POLRMT: variants seen among roughly 807,000 people sequenced by gnomAD.
The protein encoded by POLRMT is RNA polymerase mitochondrial.
POLRMT carries 114 observed loss-of-function variants against 132.2 expected under a neutral mutation model. That is an observed-to-expected ratio of 0.86 (90% confidence interval 0.74 to 1.01). The LOEUF (loss-of-function observed/expected upper bound fraction) is 1.01. POLRMT is among the 50% of genes least tolerant of loss of function. The pLI is 0.00. For missense variants in POLRMT, 2,003 were observed against 1,729.1 expected (o/e 1.16, Z -2.81); for synonymous variants, 1,020 against 773.4 (o/e 1.32, Z -5.29).
chr19:624,670 A>C (rs1040542140), intron 5 of POLRMT, 49 bp downstream of exon 5: 3 of 1,572,714 alleles, frequency 1.9e-6, no homozygotes, highest in African/African-American at 1.3e-5. Flanking sequence ...AGGAACCCCC[A>C]AAGGGCAGCT....
rs759119690 is a variant in POLRMT at position 621,105 on chromosome 19, C to A, written c.2593G>T (p.Glu865Ter). The A allele has an allele frequency of 1.2e-6, 2 of 1,608,984 alleles. No homozygotes were observed. Among genetic ancestry groups the A allele is most frequent in the Non-Finnish European group, 1.7e-6 (2 of 1,178,304 alleles). The change falls in exon 10 of 21, where the codon GAG becomes TAG. Residue 865 changes from glutamate (E) to a stop codon, truncating the protein, a stop_gained. Coordinates refer to ENST00000588649, the MANE Select transcript of POLRMT (RefSeq NM_005035.4). LOFTEE classifies it high-confidence loss of function. ...TCCAGGATGTCATCCATCACCTCCT[C>A]CGCAAAGGCCAGGCGCTTCCGCAGC... Reference protein sequence around the residue: ...EPLRKRLAFAEEVMDDILDSA... With the variant: ...EPLRKRLAFA
Position 621,613 on chromosome 19 carries a change from T to C in POLRMT, c.2085A>G (p.Ala695=), listed in dbSNP as rs1040073143. 18 of 1,514,038 alleles carry C rather than the reference T, an allele frequency of 1.2e-5. No homozygotes were observed. The African/African-American group carries it at 2.1e-4, about 17-fold the overall frequency. 93.8% of individuals were successfully genotyped at this position (1,514,038 alleles called of 1,614,324 possible). ...TGCCCAGTTGGGTGAGGGCGTCCAG[T>C]GCGCCATGCAGCGCGGTGGGCGGGC... ...ETCPPTALHG[A]LDALTQLGNC... is the part of the protein sequence containing the mutation. Residue 695 remains alanine, a synonymous_variant, in exon 10 of 21, where the codon GCA becomes GCG. Transcript: ENST00000588649.
At chr19:628,199 GC>G (rs1280525500) in intron 3 of POLRMT, among the ~76,000 whole-genome samples, 2 of 152,180 alleles carry the variant, frequency 1.3e-5, no homozygotes, top group African/African-American at 4.8e-5. Context: ...CTGGGCTCGT[GC>G]TAAGAGTGCG....
chr19:625,294 C>A, intron 3 of POLRMT, 40 bp from the exon 4 acceptor site: 1 of 1,610,196 alleles, frequency 6.2e-7, no homozygotes. Context: ...GGGGGATGGC[C>A]CAACCTCCAC....
At position 629,748 on chromosome 19, in the gene POLRMT, T is replaced by A. The variant is rs755386292; in HGVS notation, c.614A>T (p.Asp205Val). 1.3e-6 allele frequency: 2 copies of A among 1,571,846 alleles called. No homozygotes were observed. Among genetic ancestry groups the A allele is most frequent in the South Asian group, 2.3e-5 (2 of 85,962 alleles). ...CTGCCCCGACGGGGCCTGCTCCACA[T>A]CGAGGCTCAGCTTCCCAGGGGCCTC... ...LQEAPGKLSL[D>V]VEQAPSGQHS... The change falls in exon 3 of 21, where the codon GAT becomes GTT. Residue 205 changes from aspartate to valine, a missense_variant. By Grantham distance (152) the Asp-to-Val change is radical. Coordinates refer to ENST00000588649, the MANE Select transcript of POLRMT (RefSeq NM_005035.4).
At chr19:620,115 A>G (rs1984396889) in intron 11 of POLRMT, 35 bp from the exon 12 acceptor site, 1 of 1,533,476 alleles carries the variant, frequency 6.5e-7, no homozygotes, top group African/African-American at 1.4e-5. Context: ...GATGGAAGCT[A>G]GAGAGGCAGA....
rs1308114967 is a variant in POLRMT at position 622,260 on chromosome 19, C to T, written c.1740G>A (p.Ala580=). The stretch of plus-strand genomic sequence containing the variant: ...TCTGCGTAGCCTGCACCAGCATCTC[C>T]GCCAGCAGCTTGCCCAGCTCCATCT... The part of the protein sequence containing the change: ...PVQMELGKLL[A]EMLVQATQMP... Residue 580 remains alanine (A), a synonymous_variant, in exon 9 of 21, where the codon GCG becomes GCA. Transcript: ENST00000588649. The T allele has an allele frequency of 9.6e-6, 15 of 1,561,640 alleles. No homozygotes were observed. Among genetic ancestry groups the T allele is most frequent in the South Asian group, 3.5e-5 (3 of 85,298 alleles).
intron 11 of POLRMT, 60 bp downstream of exon 11, chr19:620,305 G>A (rs1568165221): frequency 2.0e-6 from 3 of 1,489,012 alleles, no homozygotes; most frequent in African/African-American, 2.8e-5. Context: ...ACACCCTCAA[G>A]TCGAGCCCCA....
intron 2 of POLRMT, among the ~76,000 whole-genome samples, chr19:632,450 G>A (rs1178998936): frequency 2.0e-5 from 3 of 151,318 alleles, no homozygotes; most frequent in Admixed American, 1.3e-4. Flanking sequence ...TCCATTAGGC[G>A]CCTACCCCCC....
In POLRMT at chr19:621,372, G is replaced by A. The variant is rs890744600; in HGVS notation, c.2326C>T (p.Arg776Trp). The A allele has an allele frequency of 2.0e-5, 31 of 1,555,084 alleles. No individual in the cohort carries two copies. The highest frequency in any genetic ancestry group is 2.4e-5 in the Non-Finnish European group (28 of 1,158,744). ...QKVAREMHSL[R>W]AEALYRLSLA... ...GAGAGGCGGTACAGCGCCTCCGCCC[G>A]CAGGCTGTGCATCTCCCGGGCCACC... Residue 776 changes from arginine (R) to tryptophan (W), a missense_variant, in exon 10 of 21, where the codon CGG (arginine) becomes TGG (tryptophan). Coordinates refer to ENST00000588649, the MANE Select transcript of POLRMT (RefSeq NM_005035.4).
rs754376875 is a variant in POLRMT at position 621,854 on chromosome 19, G to A, written c.1852-8C>T. 8.7e-5 allele frequency: 140 copies of A among 1,601,026 alleles called. 1 individual carries two copies. The highest frequency in any genetic ancestry group is 1.1e-4 in the Non-Finnish European group (133 of 1,179,736). On this transcript the variant is annotated splice_polypyrimidine_tract_variant and splice_region_variant and intron_variant, in intron 9 of 20. Coordinates refer to ENST00000588649, the MANE Select transcript of POLRMT (RefSeq NM_005035.4). ...CGGCTTCAGGATGCCGATCTGGGGTGCGACAGGCAGACGGGTCAGGGCCCC... is the reference window on the plus strand; with the variant it reads ...CGGCTTCAGGATGCCGATCTGGGGTACGACAGGCAGACGGGTCAGGGCCCC...
chr19:629,630 G>A lies in POLRMT; in HGVS notation c.732C>T (p.His244=). Residue 244 remains histidine, a synonymous_variant, in exon 3 of 21, where the codon CAC becomes CAT. Coordinates refer to ENST00000588649, the MANE Select transcript of POLRMT (RefSeq NM_005035.4). The part of the protein sequence containing the change: ...LLTDQLPLAH[H]LLVVHHGQRQ... Reference sequence around the variant, plus strand: ...GCTGGCCGTGGTGGACGACCAGCAGGTGGTGGGCGAGGGGCAGCTGGTCAG... The same window carrying A: ...GCTGGCCGTGGTGGACGACCAGCAGATGGTGGGCGAGGGGCAGCTGGTCAG... 3 of 1,609,946 alleles carry A rather than the reference G, an allele frequency of 1.9e-6. No homozygotes were observed. The highest frequency in any genetic ancestry group is 2.5e-6 in the Non-Finnish European group (3 of 1,179,256).
Position 622,768 on chromosome 19 carries a change from G to GT in POLRMT, c.1456-17dup. On this transcript the variant is annotated splice_polypyrimidine_tract_variant and intron_variant, in intron 7 of 20. Transcript: ENST00000588649. ...CCTGCAGGACCTGCGGAAGGCAGCC[G>GT]TGAGTGCCTGCCCGCCCCGCCCGGG... 7.6e-6 allele frequency: 12 copies of GT among 1,572,424 alleles called. No individual in the cohort carries two copies. The highest frequency in any genetic ancestry group is 1.0e-5 in the Non-Finnish European group (12 of 1,161,060).
At chr19:625,399 G>A in intron 3 of POLRMT, 145 bp from the exon 4 acceptor site, 1 of 1,074,558 alleles carries the variant, frequency 9.3e-7, no homozygotes, top group Non-Finnish European at 1.3e-6. Flanking sequence ...GCAGACCGAT[G>A]CATCCCCCTG....
chr19:631,729 T>C (rs575560847), intron 2 of POLRMT, among the ~76,000 whole-genome samples: 29 of 152,256 alleles, frequency 1.9e-4, no homozygotes, highest in Admixed American at 1.6e-3. Flanking sequence ...GGATTAACAG[T>C]TGAGAGCTTT....
chr19:621,204 G>A lies in POLRMT; in HGVS notation c.2494C>T (p.Pro832Ser). ...CAATCCAGGCCGTGCGGGCCGAGCG[G>A]GCGGCCCTGGGCGAACTCCAGCAGG... ...RALLEFAQGR[P>S]LGPHGLDWLK... The change falls in exon 10 of 21, where the codon CCG becomes TCG. Residue 832 changes from proline to serine, a missense_variant. Transcript: ENST00000588649. The A allele has an allele frequency of 6.2e-7, 1 of 1,610,268 alleles. No homozygotes were observed. Among genetic ancestry groups the A allele is most frequent in the Non-Finnish European group, 8.5e-7 (1 of 1,178,450 alleles).
chr19:617,766 T>C lies in POLRMT; in HGVS notation c.3495+11A>G. On this transcript the variant is annotated intron_variant, in intron 18 of 20. Transcript: ENST00000588649. Reference sequence around the variant, plus strand: ...CCCATGGGTGGACTGAGGCTCAGACTACGGGGGCACCTGGTTCATGACGGA... The same window carrying C: ...CCCATGGGTGGACTGAGGCTCAGACCACGGGGGCACCTGGTTCATGACGGA... 6 of 1,613,044 alleles carry C rather than the reference T, an allele frequency of 3.7e-6. No individual in the cohort carries two copies. Among genetic ancestry groups the C allele is most frequent in the Non-Finnish European group, 5.1e-6 (6 of 1,179,776 alleles).
At chr19:630,842 C>G (rs1985360705) in intron 2 of POLRMT, among the ~76,000 whole-genome samples, 1 of 152,326 alleles carries the variant, frequency 6.6e-6, no homozygotes, top group Admixed American at 6.5e-5. Flanking sequence ...TGTTCTGTAT[C>G]TCTTTAAAGA....
intron 13 of POLRMT, 82 bp downstream of exon 13, chr19:619,504 G>T (rs547925961): frequency 1.3e-6 from 2 of 1,551,210 alleles, no homozygotes; most frequent in East Asian, 2.3e-5. Context: ...CTCCTGCTGG[G>T]AGGCTGGGTC....
Sources: allele counts gnomAD v4.1 joint callset (sites outside exome capture counted in the v4.1 genomes callset), GRCh38; gene constraint gnomAD v4.1.1; transcripts MANE v1.5; gene names NCBI Gene and HGNC (gene_info 2026-07-23, HGNC 2026-07-21).